PHC1: variants seen among roughly 807,000 people sequenced by gnomAD.
PHC1 encodes the protein polyhomeotic-like protein 1.
Under a neutral mutation model 104.3 loss-of-function variants are expected in PHC1, and 12 were observed. The ratio of observed to expected loss-of-function variants is 0.12; its 90% confidence interval spans 0.07 to 0.19. The LOEUF is 0.19. Ranked by LOEUF, PHC1 falls within the 10% of genes least tolerant of loss-of-function variation. The pLI is 1.00. For missense variants in PHC1, 671 were observed against 1,200.0 expected, an observed-to-expected ratio of 0.56 and a Z score of 6.51; for synonymous variants, 302 against 455.8, an observed-to-expected ratio of 0.66 and a Z score of 4.30.
Position 8,939,810 on chromosome 12 carries a change from A to T in PHC1, c.*351A>T, listed in dbSNP as rs1432851909. 2.1e-6 allele frequency: 1 copy of T among 469,896 alleles called. No homozygotes were observed. The highest frequency in any genetic ancestry group is 2.0e-5 in the African/African-American group (1 of 51,004). 29.1% of individuals were successfully genotyped at this position (469,896 alleles called of 1,614,324 possible). On this transcript the variant is annotated 3_prime_UTR_variant, in exon 15 of 15. Coordinates refer to ENST00000544916, the MANE Select transcript of PHC1 (RefSeq NM_004426.3). Reference sequence around the variant, plus strand: ...CAGGTCTTAATTCTCCAAGAGGAGGAATACATAGTATGGTAAGGCAAGGAA... The same window carrying T: ...CAGGTCTTAATTCTCCAAGAGGAGGTATACATAGTATGGTAAGGCAAGGAA...
At chr12:8,927,899 TTCTTTCTTTCTTTC>T (rs1184753571) in intron 6 of PHC1, among the ~76,000 whole-genome samples, 14 of 114,824 alleles carry the variant, frequency 1.2e-4, no homozygotes, top group African/African-American at 3.8e-4. Flanking sequence ...CTTTCTTTCT[TTCTTTCTTTCTTTC>T]TTTTTTTTTT....
chr12:8,927,739 TG>T (rs2137092499), intron 6 of PHC1, among the ~76,000 whole-genome samples: 1 of 152,328 alleles, frequency 6.6e-6, no homozygotes, highest in Admixed American at 6.5e-5. Context: ...GATAATATTA[TG>T]TGCTCTAGCA....
intron 14 of PHC1, among the ~76,000 whole-genome samples, chr12:8,938,358 A>C (rs149751607): frequency 6.6e-6 from 1 of 152,222 alleles, no homozygotes; most frequent in East Asian, 1.9e-4. Flanking sequence ...CATGGGGAAA[A>C]AATTTTTTTT....
chr12:8,930,820 G>T lies in PHC1; in HGVS notation c.998G>T (p.Ser333Ile), dbSNP rs1361291514. 1 of 1,547,368 alleles carries T rather than the reference G, an allele frequency of 6.5e-7. No homozygotes were observed. The highest frequency in any genetic ancestry group is 2.3e-5 in the East Asian group (1 of 44,306). The change falls in exon 7 of 15, where the codon AGT (serine) becomes ATT (isoleucine). Residue 333 changes from serine to isoleucine, a missense_variant. Coordinates refer to ENST00000544916, the MANE Select transcript of PHC1 (RefSeq NM_004426.3). ...VSQGSQTEAESAAAKKAEADG... is the reference protein window; with the variant it reads ...VSQGSQTEAEIAAAKKAEADG... Reference sequence around the variant, plus strand: ...CAGGGCAGCCAGACAGAGGCAGAAAGTGCAGCAGCCAAGAAGGCAGAAGCA... The same window carrying T: ...CAGGGCAGCCAGACAGAGGCAGAAATTGCAGCAGCCAAGAAGGCAGAAGCA...
At chr12:8,920,492 G>A (rs1945330520) in intron 3 of PHC1, among the ~76,000 whole-genome samples, 1 of 151,974 alleles carries the variant, frequency 6.6e-6, no homozygotes, top group African/African-American at 2.4e-5. Context: ...TGGATCACTT[G>A]AGGTCAGGAG....
At chr12:8,930,150 T>C (rs762620862) in intron 6 of PHC1, among the ~76,000 whole-genome samples, 1 of 152,182 alleles carries the variant, frequency 6.6e-6, no homozygotes, top group Non-Finnish European at 1.5e-5. Context: ...AGGTGCTGAA[T>C]GATTGAATGG....
intron 1 of PHC1, among the ~76,000 whole-genome samples, chr12:8,916,566 TTTC>T (rs1186562224): frequency 2.0e-5 from 3 of 152,080 alleles, no homozygotes; most frequent in South Asian, 2.1e-4. Flanking sequence ...TGGAAGAATA[TTTC>T]TTCTTCTCAT....
rs781657174 is a variant in PHC1 at position 8,938,005 on chromosome 12, T to C, written c.2805T>C (p.Ser935=). 2.5e-6 allele frequency: 4 copies of C among 1,609,212 alleles called. No homozygotes were observed. The African/African-American group carries it at 5.3e-5, about 22-fold the overall frequency. ...GCATCAACCCTGTGTTCCTGTCCAG[T>C]AATCCCAGCCGTTGGAGTGTAGAGG... The part of the protein sequence containing the change: ...LHGINPVFLS[S]NPSRWSVEEV... Residue 935 remains serine, a synonymous_variant, in exon 14 of 15, where the codon AGT becomes AGC. Coordinates refer to ENST00000544916, the MANE Select transcript of PHC1 (RefSeq NM_004426.3).
rs773756154 is a variant in PHC1, at chr12:8,933,871, C to A, written c.1900C>A (p.Pro634Thr). Residue 634 changes from proline (P) to threonine (T), a missense_variant, in exon 9 of 15, where the codon CCC (proline) becomes ACC (threonine). Pro to Thr is a conservative substitution (Grantham distance 38). This residue lies in a region of PHC1 where 95 missense variants were observed against 108.8 expected (regional missense o/e 0.87). Transcript: ENST00000544916. ...YMQSVHLPGK[P>T]QTLAVKRKAD... is the part of the protein sequence containing the mutation. ...CCTATTCTTTACGGTATAGGGTAAA[C>A]CCCAGACATTGGCTGTCAAACGCAA... 1 of 1,612,910 alleles carries A rather than the reference C, an allele frequency of 6.2e-7. No homozygotes were observed. Among genetic ancestry groups the A allele is most frequent in the Non-Finnish European group, 8.5e-7 (1 of 1,178,870 alleles).
At chr12:8,920,543 A>G (rs951746503) in intron 3 of PHC1, among the ~76,000 whole-genome samples, 1 of 152,186 alleles carries the variant, frequency 6.6e-6, no homozygotes, top group Non-Finnish European at 1.5e-5. Flanking sequence ...CTCATTCTTT[A>G]CTAAAAATAC....
intron 6 of PHC1, among the ~76,000 whole-genome samples, chr12:8,927,822 G>A (rs2137092746): frequency 6.6e-6 from 1 of 150,670 alleles, no homozygotes; most frequent in Admixed American, 6.6e-5. Flanking sequence ...CTGAATTCAG[G>A]TTTTTATTAT....
intron 9 of PHC1, 64 bp downstream of exon 9, chr12:8,934,076 TA>T: frequency 6.4e-7 from 1 of 1,567,318 alleles, no homozygotes. Context: ...CTGAGTGAGC[TA>T]AAAGATAAAA....
At chr12:8,931,357 T>A (rs1483052382) in intron 7 of PHC1, among the ~76,000 whole-genome samples, 1 of 152,244 alleles carries the variant, frequency 6.6e-6, no homozygotes, top group Non-Finnish European at 1.5e-5. Context: ...TTAATGTGGT[T>A]ACTTGATCCA....
chr12:8,934,622 G>A, intron 10 of PHC1, 144 bp downstream of exon 10: 1 of 613,256 alleles, frequency 1.6e-6, no homozygotes, highest in Non-Finnish European at 2.8e-6. Context: ...TATAAAGAAG[G>A]AAAGGGAAAA....
intron 7 of PHC1, among the ~76,000 whole-genome samples, chr12:8,932,198 T>C (rs1945705707): frequency 1.6e-5 from 1 of 61,772 alleles, no homozygotes; most frequent in African/African-American, 5.6e-5. Flanking sequence ...ATTCAGCCTT[T>C]GAGAAACTCC....
At chr12:8,930,082 T>C (rs1945638953) in intron 6 of PHC1, among the ~76,000 whole-genome samples, 1 of 152,234 alleles carries the variant, frequency 6.6e-6, no homozygotes, top group Non-Finnish European at 1.5e-5. Flanking sequence ...AGAGACTGTG[T>C]CTTTCCTCTG....
rs1463516478 is a variant in PHC1, at chr12:8,940,296, A to G, written c.*837A>G. On this transcript the variant is annotated 3_prime_UTR_variant, in exon 15 of 15. Transcript: ENST00000544916. ...TTTTTTTCCTCAGTAAAAGGATGAA[A>G]ATTGGTTTCAGTTGTCTTACTCTAT... 6.1e-6 allele frequency: 1 copy of G among 164,318 alleles called. No individual in the cohort carries two copies. Among genetic ancestry groups the G allele is most frequent in the African/African-American group, 2.4e-5 (1 of 41,302 alleles). The allele number at this position is 164,318 out of a possible 1,614,324, so 10.2% of individuals were successfully genotyped here.
intron 6 of PHC1, among the ~76,000 whole-genome samples, chr12:8,927,755 A>G (rs1007365857): frequency 1.6e-4 from 25 of 152,124 alleles, no homozygotes; most frequent in African/African-American, 4.8e-5. Context: ...CTAGCACCCA[A>G]TCCTGATGAT....
chr12:8,934,689 T>TAACCTTTAA (rs1319721100), intron 10 of PHC1, among the ~76,000 whole-genome samples: 4 of 152,212 alleles, frequency 2.6e-5, no homozygotes, highest in Non-Finnish European at 4.4e-5. Flanking sequence ...AGGAAGAAAG[T>TAACCTTTAA]AACCTTTAAA....
Sources: gnomAD v4.1 joint callset for allele counts (sites outside exome capture counted in the v4.1 genomes callset) on GRCh38, gnomAD v4.1.1 for gene constraint, gnomAD v4.1.1 regional missense constraint, MANE v1.5 for transcripts, NCBI Gene and HGNC (gene_info 2026-07-23, HGNC 2026-07-21) for gene names.